FGD1: variants seen among roughly 807,000 people sequenced by gnomAD.
FGD1 encodes the protein FYVE, RhoGEF and PH domain containing 1, also known as FYVE, RhoGEF and PH domain-containing protein 1.
Under a neutral mutation model 65.0 loss-of-function variants are expected in FGD1, and 12 were observed. The ratio of observed to expected loss-of-function variants is 0.18; its 90% CI spans 0.12 to 0.30. FGD1 has a LOEUF of 0.30. FGD1 is among the 10% of genes least tolerant of loss of function. The pLI is 1.00. For synonymous variants in FGD1, 333 were observed against 343.9 expected (o/e 0.97, Z 0.35); for missense variants, 542 against 837.6 (o/e 0.65, Z 4.36).
chrX:54,486,864 G>A (rs1466053112), intron 1 of FGD1, among the ~76,000 whole-genome samples: 2 of 106,440 alleles, frequency 1.9e-5, no homozygotes, highest in Non-Finnish European at 3.9e-5. Flanking sequence ...GTGTGCGCCT[G>A]TAATCCCAGC....
At chrX:54,481,167 C>G (rs1171017736) in intron 1 of FGD1, among the ~76,000 whole-genome samples, 2 of 110,096 alleles carry the variant, frequency 1.8e-5, no homozygotes, top group Admixed American at 9.8e-5. Context: ...ATCTCCCACT[C>G]CCTGGAAGGG....
intron 12 of FGD1, among the ~76,000 whole-genome samples, chrX:54,451,649 T>C (rs1271809626): frequency 9.6e-6 from 1 of 104,366 alleles, no homozygotes; most frequent in Non-Finnish European, 2.0e-5. Flanking sequence ...ATGCCTGTAA[T>C]CCCAGCACTT....
At chrX:54,457,282 T>A (rs1041302592) in intron 8 of FGD1, among the ~76,000 whole-genome samples, 1 of 111,975 alleles carries the variant, frequency 8.9e-6, no homozygotes, top group Non-Finnish European at 1.9e-5. Flanking sequence ...ACTTTTATAA[T>A]CAGAAAAAGC....
At chrX:54,469,304 A>G (rs1395399455) in intron 4 of FGD1, among the ~76,000 whole-genome samples, 1 of 112,410 alleles carries the variant, frequency 8.9e-6, no homozygotes, top group Non-Finnish European at 1.9e-5. Flanking sequence ...GAGGCTGGTG[A>G]GAAACAAAAA....
intron 1 of FGD1, among the ~76,000 whole-genome samples, chrX:54,473,975 A>C (rs964294130): frequency 9.2e-6 from 1 of 108,531 alleles, no homozygotes; most frequent in Non-Finnish European, 1.9e-5. Context: ...CAGAGACTCC[A>C]TCTCAAAAAA....
chrX:54,467,358 CT>C (rs200305260), intron 6 of FGD1, among the ~76,000 whole-genome samples: 8,577 of 96,139 alleles, frequency 0.089, 562 homozygotes, highest in East Asian at 0.47. Flanking sequence ...TTTTCTTTTT[CT>C]TTTTTTTTTT....
At chrX:54,456,142 T>G in intron 10 of FGD1, 78 bp downstream of exon 10, 1 of 1,096,855 alleles carries the variant, frequency 9.1e-7, no homozygotes, top group Non-Finnish European at 1.3e-6. Context: ...GTATAGTCTT[T>G]GAGTGAGTAC....
Position 54,465,811 on chromosome X carries a change from G to A in FGD1, c.1382C>T (p.Ala461Val). 8.3e-7 allele frequency: 1 copy of A among 1,211,467 alleles called. No homozygotes were observed. Among genetic ancestry groups the A allele is most frequent in the Non-Finnish European group, 1.1e-6 (1 of 895,348 alleles). ...CTCACCATACATCTTGAGGAAGGGG[G>A]CCAGTTTCTGCAGGATGTCTCCAAT... The part of the protein sequence containing the change: ...PRIGDILQKL[A>V]PFLKMYGEYV... Residue 461 changes from alanine to valine, a missense_variant, in exon 7 of 18, where the codon GCC becomes GTC. This residue lies in a region of FGD1 where 41 missense variants were observed against 109.5 expected (regional missense o/e 0.37). Transcript: ENST00000375135.
chrX:54,480,352 C>G (rs1462397407), intron 1 of FGD1, among the ~76,000 whole-genome samples: 1 of 111,949 alleles, frequency 8.9e-6, no homozygotes, highest in Non-Finnish European at 1.9e-5. Context: ...TCTTAAGGAT[C>G]ATGACAAAAC....
chrX:54,449,422 C>G (rs1175678607), intron 14 of FGD1, among the ~76,000 whole-genome samples, 154 bp from the exon 15 acceptor site: 1 of 111,734 alleles, frequency 8.9e-6, no homozygotes, highest in Non-Finnish European at 1.9e-5. Flanking sequence ...CCTTTAAGTC[C>G]TGGCTCTGCT....
At chrX:54,486,109 CAG>C (rs1923268613) in intron 1 of FGD1, among the ~76,000 whole-genome samples, 1 of 108,727 alleles carries the variant, frequency 9.2e-6, no homozygotes, top group African/African-American at 3.4e-5. Context: ...TTTTTTGAGA[CAG>C]AGTCTCGCTC....
In FGD1 at chrX:54,495,283, C is replaced by G; in HGVS notation, c.150G>C (p.Ser50=). The G allele has an allele frequency of 8.4e-6, 10 of 1,188,295 alleles. No individual in the cohort carries two copies. The highest frequency in any genetic ancestry group is 2.3e-5 in the Admixed American group (1 of 43,125). The change falls in exon 1 of 18, where the codon TCG becomes TCC. Residue 50 remains serine, a synonymous_variant. Transcript: ENST00000375135. ...PGLLARRGSG[S]ALGGPLDPQF... ...GGGGATCCAGTGGGCCGCCAAGAGC[C>G]GAACCTGAGCCCCTGCGCGCCAGCA...
chrX:54,450,133 TG>T, intron 13 of FGD1, 137 bp downstream of exon 13: 1 of 615,664 alleles, frequency 1.6e-6, no homozygotes, highest in Non-Finnish European at 2.8e-6. Flanking sequence ...ATCTGTAAAA[TG>T]GGGATAGTAA....
chrX:54,470,902 G>A, intron 2 of FGD1, 142 bp from the exon 3 acceptor site: 3 of 435,472 alleles, frequency 6.9e-6, no homozygotes, highest in Non-Finnish European at 8.1e-6. Flanking sequence ...CCAGCTACTT[G>A]GGAGGCTGAG....
chrX:54,465,635 C>T, intron 7 of FGD1, 46 bp from the exon 8 acceptor site: 1 of 1,210,633 alleles, frequency 8.3e-7, no homozygotes, highest in Non-Finnish European at 1.1e-6. Context: ...CTGCAGATGC[C>T]CCACCACATC....
In FGD1 at chrX:54,486,544, C is replaced by T. The variant is rs1037700991; in HGVS notation, c.307+8582G>A. Among the ~76,000 whole-genome samples the T allele has an allele frequency of 2.7e-5, 3 of 111,400 alleles. No individual in the cohort carries two copies. In the South Asian group the frequency reaches 1.1e-3, roughly 42 times the overall value. ...TACAGGCATGAGCCACTGCGCCTGG[C>T]TGATTTCTGTATTTTTAGTAGAGAC... On this transcript the variant is annotated intron_variant, in intron 1 of 17. Transcript: ENST00000375135.
intron 1 of FGD1, among the ~76,000 whole-genome samples, chrX:54,479,462 C>T (rs1923092374): frequency 9.0e-6 from 1 of 111,533 alleles, no homozygotes; most frequent in Non-Finnish European, 1.9e-5. Context: ...TTGGGGCCCA[C>T]AGCTATGAAG....
At chrX:54,469,013 A>G in intron 4 of FGD1, 137 bp from the exon 5 acceptor site, 1 of 504,766 alleles carries the variant, frequency 2.0e-6, no homozygotes, top group Non-Finnish European at 3.5e-6. Flanking sequence ...CCCCATCTCT[A>G]GATCTGTAAG....
chrX:54,456,623 G>A (rs1199995375), intron 8 of FGD1, 56 bp from the exon 9 acceptor site: 12 of 1,022,998 alleles, frequency 1.2e-5, no homozygotes, highest in African/African-American at 6.3e-5. Context: ...GAGCCTTTCC[G>A]GGGCTTTGTT....
Sources: allele counts gnomAD v4.1 joint callset (sites outside exome capture counted in the v4.1 genomes callset), GRCh38; gene constraint gnomAD v4.1.1; regional missense constraint gnomAD v4.1.1; transcripts MANE v1.5; gene names NCBI Gene and HGNC (gene_info 2026-07-23, HGNC 2026-07-21).